Variants in CACNA2D3 observed in about 807,000 individuals in gnomAD.
CACNA2D3 encodes calcium voltage-gated channel auxiliary subunit alpha2delta 3, also known as voltage-dependent calcium channel subunit alpha-2/delta-3.
In CACNA2D3, 60 loss-of-function variants were observed where a neutral mutation model predicts 160.6. The ratio of observed to expected loss-of-function variants is 0.37; its 90% CI spans 0.30 to 0.46. CACNA2D3 has a LOEUF of 0.46. CACNA2D3 is among the 20% of genes least tolerant of loss of function. CACNA2D3 has a pLI of 1.00. For synonymous variants in CACNA2D3, 558 were observed against 492.9 expected (o/e 1.13, Z -1.75); for missense variants, 1,205 against 1,365.0 (o/e 0.88, Z 1.85).
chr3:54,724,998 A>G (rs765706582), intron 11 of CACNA2D3, among the ~76,000 whole-genome samples: 1 of 152,190 alleles, frequency 6.6e-6, no homozygotes, highest in Non-Finnish European at 1.5e-5. Flanking sequence ...AGAAAAGATC[A>G]AGAAAATAGA....
chr3:55,049,389 C>A lies in CACNA2D3; in HGVS notation c.2988-24056C>A, dbSNP rs1411907563. ...AGTAGTCATTCAGGAGCAGGTTGTT[C>A]AGTTTCCATGTAGTTGAGCGGTTTT... On this transcript the variant is annotated intron_variant, in intron 35 of 37. Transcript: ENST00000474759. 1.0e-4 allele frequency among the ~76,000 whole-genome samples: 14 copies of A among 138,142 alleles called. No homozygotes were observed. The East Asian group carries it at 2.6e-3, about 26-fold the overall frequency. The allele number at this position is 138,142 out of a possible 152,430, so 90.6% of individuals were successfully genotyped here.
intron 9 of CACNA2D3, chr3:54,626,527 G>T: frequency 1.9e-6 from 3 of 1,608,168 alleles, no homozygotes; most frequent in Middle Eastern, 1.7e-4. Flanking sequence ...CAACCAGGTG[G>T]AGATCAAGCC....
chr3:54,845,929 G>A (rs151012983), intron 16 of CACNA2D3, among the ~76,000 whole-genome samples: 3,743 of 152,210 alleles, frequency 0.025, 165 homozygotes, highest in African/African-American at 0.085. Context: ...CTAGGGGAGC[G>A]CCAATTTGAG....
At chr3:54,787,998 CT>C (rs1407732196) in intron 13 of CACNA2D3, among the ~76,000 whole-genome samples, 2 of 152,178 alleles carry the variant, frequency 1.3e-5, no homozygotes, top group African/African-American at 2.4e-5. Context: ...TGTTTATAGT[CT>C]TCCACTTATT....
At chr3:54,894,266 T>G (rs1700134983) in intron 25 of CACNA2D3, among the ~76,000 whole-genome samples, 1 of 152,206 alleles carries the variant, frequency 6.6e-6, no homozygotes, top group Non-Finnish European at 1.5e-5. Flanking sequence ...CCAGAATTGC[T>G]GCCTAGTAGT....
rs373085382 is a variant in CACNA2D3, at chr3:54,165,600, TA to T, written c.204+42025del. Among the ~76,000 whole-genome samples, 303 of 93,396 alleles carry T rather than the reference TA, an allele frequency of 3.2e-3. 2 individuals carry two copies. Among genetic ancestry groups the T allele is most frequent in the African/African-American group, 8.9e-3 (222 of 25,050 alleles). 61.3% of individuals were successfully genotyped at this position (93,396 alleles called of 152,430 possible). ...CCTTTGGGAAGCCCAGTTCCATCTC[TA>T]AAAAAAAAAAAAAAAAAAGAAAAAT... On this transcript the variant is annotated intron_variant, in intron 2 of 37. Transcript: ENST00000474759.
chr3:55,058,059 ATCTG>A (rs1253356889), intron 35 of CACNA2D3, among the ~76,000 whole-genome samples: 2 of 152,188 alleles, frequency 1.3e-5, no homozygotes, highest in Non-Finnish European at 2.9e-5. Context: ...TCTGGAATAC[ATCTG>A]TCTCTCTTCA....
intron 11 of CACNA2D3, among the ~76,000 whole-genome samples, chr3:54,653,964 A>C (rs1699826290): frequency 6.6e-6 from 1 of 152,110 alleles, no homozygotes. Context: ...GGAAGAGTCA[A>C]ACTGTTACCT....
At chr3:54,841,650 T>C (rs1005415890) in intron 16 of CACNA2D3, among the ~76,000 whole-genome samples, 4 of 152,228 alleles carry the variant, frequency 2.6e-5, no homozygotes, top group African/African-American at 9.6e-5. Flanking sequence ...TCCCAGAAGA[T>C]AGAATTCTTT....
At chr3:54,963,289 G>A (rs12494781) in intron 27 of CACNA2D3, among the ~76,000 whole-genome samples, 58,040 of 151,922 alleles carry the variant, frequency 0.38, 12,662 homozygotes, top group East Asian at 0.53. Context: ...TAGTATGGAC[G>A]GGTTTGTGGA....
At chr3:54,301,300 CAG>C (rs1420501447) in intron 2 of CACNA2D3, among the ~76,000 whole-genome samples, 1 of 125,418 alleles carries the variant, frequency 8.0e-6, no homozygotes, top group Non-Finnish European at 1.8e-5. Flanking sequence ...AAACAAAAGA[CAG>C]AAAAAAAAAA....
chr3:54,566,867 T>C (rs1702417459), intron 6 of CACNA2D3, among the ~76,000 whole-genome samples: 1 of 152,120 alleles, frequency 6.6e-6, no homozygotes, highest in African/African-American at 2.4e-5. Context: ...AAGTAAAGAG[T>C]TCTCCATAAG....
chr3:54,667,870 C>A (rs1700094093), intron 11 of CACNA2D3, among the ~76,000 whole-genome samples: 3 of 151,562 alleles, frequency 2.0e-5, no homozygotes, highest in Admixed American at 1.3e-4. Context: ...TCACCTGAGC[C>A]TGGGAGGTCA....
intron 2 of CACNA2D3, among the ~76,000 whole-genome samples, chr3:54,134,915 G>A (rs928065468): frequency 2.0e-5 from 3 of 152,248 alleles, no homozygotes; most frequent in Non-Finnish European, 4.4e-5. Flanking sequence ...AGTGCAGGGC[G>A]GGTGCACGAG....
In CACNA2D3 at chr3:55,056,555, A is replaced by C. The variant is rs146365664; in HGVS notation, c.2988-16890A>C. Among the ~76,000 whole-genome samples the C allele has an allele frequency of 2.0e-4, 31 of 152,312 alleles. No individual in the cohort carries two copies. The East Asian group carries it at 5.2e-3, about 26-fold the overall frequency. On this transcript the variant is annotated intron_variant, in intron 35 of 37. Transcript: ENST00000474759. Reference sequence around the variant, plus strand: ...AATAGCTAAGTTATGGAATCAACCTAAGTGTTCATCAATAGATGAATGGAT... The same window carrying C: ...AATAGCTAAGTTATGGAATCAACCTCAGTGTTCATCAATAGATGAATGGAT...
chr3:54,628,686 A>G (rs1699173561), intron 10 of CACNA2D3, among the ~76,000 whole-genome samples: 1 of 152,196 alleles, frequency 6.6e-6, no homozygotes, highest in Non-Finnish European at 1.5e-5. Flanking sequence ...TAGGTATTTT[A>G]AATAGTAGGA....
At chr3:54,288,689 C>G (rs528862703) in intron 2 of CACNA2D3, among the ~76,000 whole-genome samples, 18 of 152,146 alleles carry the variant, frequency 1.2e-4, no homozygotes, top group African/African-American at 4.3e-4. Flanking sequence ...TACTGGCAAA[C>G]TGAATCCAGC....
chr3:54,322,132 A>C (rs1198292456), intron 3 of CACNA2D3, among the ~76,000 whole-genome samples: 2 of 152,214 alleles, frequency 1.3e-5, no homozygotes, highest in Non-Finnish European at 2.9e-5. Context: ...GCCATGCAGC[A>C]TGCTGCCTTG....
intron 2 of CACNA2D3, among the ~76,000 whole-genome samples, chr3:54,291,822 A>T (rs1004783593): frequency 6.6e-6 from 1 of 152,196 alleles, no homozygotes; most frequent in Non-Finnish European, 1.5e-5. Context: ...ATTTACATTG[A>T]TTCACTCATT....
Sources: gnomAD v4.1 joint callset for allele counts (sites outside exome capture counted in the v4.1 genomes callset) on GRCh38, gnomAD v4.1.1 for gene constraint, MANE v1.5 for transcripts, NCBI Gene and HGNC (gene_info 2026-07-23, HGNC 2026-07-21) for gene names.